Variants in MAN2A2 observed in about 807,000 individuals in gnomAD.
The protein encoded by MAN2A2 is mannosidase alpha class 2A member 2, also known as alpha-mannosidase 2x.
A neutral mutation model predicts 126.8 loss-of-function variants in MAN2A2; 79 were observed. The observed-to-expected ratio is 0.62, with a 90% confidence interval of 0.52 to 0.75. The LOEUF is 0.75. Among genes scored for constraint, MAN2A2 ranks in the 30% least tolerant of loss-of-function variants. MAN2A2 has a pLI of 0.00. For missense variants in MAN2A2, 1,392 were observed against 1,522.4 expected, an observed-to-expected ratio of 0.91 and a Z score of 1.43; for synonymous variants, 671 against 618.7, an observed-to-expected ratio of 1.08 and a Z score of -1.25.
rs756983344 is a variant in MAN2A2, at chr15:90,905,959, C to T, written c.650C>T (p.Ser217Phe). ...CGGCGCTTCCTCTGGGCAGAGGTCT[C>T]CTTCTTCGCCAAGTGGTGGGACAAC... Reference protein sequence around the residue: ...PRRRFLWAEVSFFAKWWDNIN... With the variant: ...PRRRFLWAEVFFFAKWWDNIN... The change falls in exon 5 of 23, where the codon TCC becomes TTC. Residue 217 changes from serine (S) to phenylalanine (F), a missense_variant. By Grantham distance (155) the Ser-to-Phe change is radical. Coordinates refer to ENST00000559717, the MANE Select transcript of MAN2A2 (RefSeq NM_006122.4). 2 of 1,613,990 alleles carry T rather than the reference C, an allele frequency of 1.2e-6. No homozygotes were observed. Among genetic ancestry groups the T allele is most frequent in the South Asian group, 1.1e-5 (1 of 91,086 alleles).
chr15:90,911,611 C>G (rs112363267), intron 14 of MAN2A2, 61 bp downstream of exon 14: 1 of 1,514,678 alleles, frequency 6.6e-7, no homozygotes. Context: ...CCTCCCCGCC[C>G]GGCGACGCCA....
In MAN2A2 at chr15:90,910,769, T is replaced by C. The variant is rs552309437; in HGVS notation, c.1761-78T>C. 1.4e-5 allele frequency: 22 copies of C among 1,598,234 alleles called. No homozygotes were observed. In the South Asian group the frequency reaches 2.2e-4, roughly 16 times the overall value. On this transcript the variant is annotated intron_variant, in intron 11 of 22. Transcript: ENST00000559717. ...TGGGTGGTCAGGGGGTAGGCCGGCC[T>C]AGGGCTTGTCCTGCTGACAAGGCAG...
At chr15:90,907,105 C>A in intron 7 of MAN2A2, 192 bp downstream of exon 7, 1 of 856,766 alleles carries the variant, frequency 1.2e-6, no homozygotes, top group Non-Finnish European at 1.8e-6. Context: ...GGCCTGCTGT[C>A]CCAAGGGCTT....
intron 8 of MAN2A2, 28 bp downstream of exon 8, chr15:90,907,523 C>G (rs1253799472): frequency 6.3e-7 from 1 of 1,594,488 alleles, no homozygotes; most frequent in East Asian, 2.2e-5. Context: ...TTTCACTTCA[C>G]AGAGGAATCG....
At chr15:90,902,633 C>A (rs977832435), upstream of MAN2A2, 8 of 151,844 alleles carry the variant, frequency 5.3e-5, no homozygotes, top group Non-Finnish European at 1.2e-4. Context: ...CGGAGCGGGC[C>A]CGGGAGGAGC....
chr15:90,916,354 G>A (rs1377414899), intron 20 of MAN2A2, 98 bp downstream of exon 20: 1 of 1,478,460 alleles, frequency 6.8e-7, no homozygotes, highest in East Asian at 2.3e-5. Context: ...AGTTGGAGGT[G>A]GGCAAGAGAG....
chr15:90,918,120 GC>G, intron 20 of MAN2A2, 73 bp from the exon 21 acceptor site: 1 of 1,412,656 alleles, frequency 7.1e-7, no homozygotes, highest in Non-Finnish European at 9.8e-7. Flanking sequence ...ACCTGGGTGT[GC>G]TTTTATCCTG....
At chr15:90,909,842 ATCCACTCGC>A (rs1230409681) in intron 9 of MAN2A2, among the ~76,000 whole-genome samples, 2 of 152,112 alleles carry the variant, frequency 1.3e-5, no homozygotes, top group African/African-American at 4.8e-5. Context: ...TGACTTCGTG[ATCCACTCGC>A]CTCGGCCTCC....
chr15:90,911,046 CT>C, intron 12 of MAN2A2, 85 bp downstream of exon 12: 2 of 1,482,812 alleles, frequency 1.3e-6, no homozygotes, highest in South Asian at 2.3e-5. Context: ...TGCCGCTTCT[CT>C]TTTTCCTTCC....
Position 90,906,783 on chromosome 15 carries a change from C to T in MAN2A2, c.879C>T (p.Tyr293=). Residue 293 remains tyrosine, a synonymous_variant, in exon 7 of 23, where the codon TAC becomes TAT. Coordinates refer to ENST00000559717, the MANE Select transcript of MAN2A2 (RefSeq NM_006122.4). ...RSGWAVDPFG[Y]SSTMPYLLRR... ...GCTGGGCAGTGGACCCCTTTGGATA[C>T]AGCTCCACCATGCCTTACCTGCTGC... 2 of 1,613,740 alleles carry T rather than the reference C, an allele frequency of 1.2e-6. No homozygotes were observed. The highest frequency in any genetic ancestry group is 8.5e-7 in the Non-Finnish European group (1 of 1,179,982).
intron 8 of MAN2A2, among the ~76,000 whole-genome samples, chr15:90,907,965 C>G (rs547706497): frequency 2.0e-5 from 3 of 152,244 alleles, no homozygotes; most frequent in Admixed American, 2.0e-4. Flanking sequence ...AATCAGGCCC[C>G]GGGGGAAAGT....
chr15:90,917,255 C>G (rs1047865033), intron 20 of MAN2A2, among the ~76,000 whole-genome samples: 1 of 152,226 alleles, frequency 6.6e-6, no homozygotes, highest in Non-Finnish European at 1.5e-5. Flanking sequence ...TTGCAGAATG[C>G]CCTCTTGGCT....
chr15:90,911,825 A>C, intron 14 of MAN2A2: 1 of 613,074 alleles, frequency 1.6e-6, no homozygotes, highest in South Asian at 1.9e-5. Context: ...TCGAAAGCTT[A>C]ATGTGTTGTT....
chr15:90,919,554 G>T lies in MAN2A2; in HGVS notation c.3301-81G>T, dbSNP rs2035440355. Reference sequence around the variant, plus strand: ...GCCCCTGGCTGAGATTCTTAAAGAGGTACCAAATTGTAGATGAACAGCCAC... The same window carrying T: ...GCCCCTGGCTGAGATTCTTAAAGAGTTACCAAATTGTAGATGAACAGCCAC... On this transcript the variant is annotated intron_variant, in intron 22 of 22. Transcript: ENST00000559717. The T allele has an allele frequency of 7.2e-6, 11 of 1,529,494 alleles. No individual in the cohort carries two copies. The East Asian group carries it at 2.5e-4, about 35-fold the overall frequency. The allele number at this position is 1,529,494 out of a possible 1,614,324, so 94.7% of individuals were successfully genotyped here.
chr15:90,911,335 C>A, intron 13 of MAN2A2, 50 bp from the exon 14 acceptor site: 11 of 1,613,382 alleles, frequency 6.8e-6, no homozygotes, highest in Non-Finnish European at 9.3e-6. Context: ...AGGGCGCTTG[C>A]CCTGGTCGGA....
intron 22 of MAN2A2, 101 bp from the exon 23 acceptor site, chr15:90,919,534 T>C: frequency 1.4e-6 from 2 of 1,434,638 alleles, no homozygotes; most frequent in Non-Finnish European, 1.9e-6. Context: ...CCACTGCCCC[T>C]GGCTGAGATT....
intron 13 of MAN2A2, 36 bp downstream of exon 13, chr15:90,911,274 C>G (rs2034712130): frequency 6.2e-7 from 1 of 1,612,650 alleles, no homozygotes; most frequent in Non-Finnish European, 8.5e-7. Flanking sequence ...AGAGGCAGAG[C>G]CATTCCCTGG....
chr15:90,905,962 T>C lies in MAN2A2; in HGVS notation c.653T>C (p.Phe218Ser), dbSNP rs773221705. ...CGCTTCCTCTGGGCAGAGGTCTCCTTCTTCGCCAAGTGGTGGGACAACATC... is the reference window on the plus strand; with the variant it reads ...CGCTTCCTCTGGGCAGAGGTCTCCTCCTTCGCCAAGTGGTGGGACAACATC... ...RRRFLWAEVS[F>S]FAKWWDNINV... Residue 218 changes from phenylalanine to serine, a missense_variant, in exon 5 of 23, where the codon TTC (phenylalanine) becomes TCC (serine). Physicochemically the swap from Phe to Ser is radical, Grantham distance 155. Transcript: ENST00000559717. 1 of 1,613,960 alleles carries C rather than the reference T, an allele frequency of 6.2e-7. No homozygotes were observed. The highest frequency in any genetic ancestry group is 8.5e-7 in the Non-Finnish European group (1 of 1,179,974).
chr15:90,917,798 C>A, intron 20 of MAN2A2: 1 of 170,784 alleles, frequency 5.9e-6, no homozygotes, highest in South Asian at 1.6e-4. Context: ...GCTCGTGAAG[C>A]CGCAGATTAC....
Sources: allele counts gnomAD v4.1 joint callset (sites outside exome capture counted in the v4.1 genomes callset), GRCh38; gene constraint gnomAD v4.1.1; transcripts MANE v1.5; gene names NCBI Gene and HGNC (gene_info 2026-07-23, HGNC 2026-07-21).